Variants in SMIM35 observed in about 807,000 individuals in gnomAD.
SMIM35 encodes the protein TMPRSS4 antisense RNA 1 (non-protein coding).
intron 1 of SMIM35, among the ~76,000 whole-genome samples, chr11:118,048,962 A>AAAAAAAAAAAAAAAAAAAAAC (rs1944160684): frequency 6.6e-6 from 1 of 150,582 alleles, no homozygotes; most frequent in Non-Finnish European, 1.5e-5. Context: ...AAAAAAAAAA[A>AAAAAAAAAAAAAAAAAAAAAC]AAGCAAGTGA....
intron 1 of SMIM35, chr11:118,025,273 G>C (rs2058265688): frequency 3.2e-6 from 1 of 310,394 alleles, no homozygotes; most frequent in Admixed American, 4.9e-5. Flanking sequence ...ATTTTCTTTT[G>C]GGTATATACC....
chr11:118,039,696 C>A (rs755113320), intron 1 of SMIM35, among the ~76,000 whole-genome samples: 1 of 151,532 alleles, frequency 6.6e-6, no homozygotes, highest in South Asian at 2.1e-4. Flanking sequence ...GGTGACAGAG[C>A]GAGACCCTGT....
At chr11:118,024,585 G>A (rs1265977943) in intron 1 of SMIM35, among the ~76,000 whole-genome samples, 1 of 151,990 alleles carries the variant, frequency 6.6e-6, no homozygotes, top group Non-Finnish European at 1.5e-5. Flanking sequence ...CAATTCTTCT[G>A]TCTCAGCCTC....
chr11:118,020,078 C>T (rs917709428), intron 1 of SMIM35, among the ~76,000 whole-genome samples: 5 of 152,144 alleles, frequency 3.3e-5, no homozygotes, highest in Non-Finnish European at 5.9e-5. Context: ...CCAGCCTGGT[C>T]AACATGGTGA....
At chr11:118,050,607 T>A (rs1944196545) in intron 1 of SMIM35, among the ~76,000 whole-genome samples, 1 of 152,158 alleles carries the variant, frequency 6.6e-6, no homozygotes, top group South Asian at 2.1e-4. Flanking sequence ...ACCCCCGCAG[T>A]CCTCCTGCCT....
intron 1 of SMIM35, among the ~76,000 whole-genome samples, chr11:118,084,981 T>G (rs1945431011): frequency 6.6e-6 from 1 of 152,072 alleles, no homozygotes; most frequent in Admixed American, 6.5e-5. Context: ...AAGACCAACC[T>G]AGGGGACTAT....
intron 4 of SMIM35, among the ~76,000 whole-genome samples, chr11:118,008,743 T>G (rs1454752243): frequency 1.3e-5 from 2 of 152,216 alleles, no homozygotes; most frequent in Non-Finnish European, 2.9e-5. Flanking sequence ...TTCAACACAA[T>G]TTCCTGAGAA....
At chr11:118,012,113 A>G (rs1209229898) in intron 4 of SMIM35, among the ~76,000 whole-genome samples, 1 of 152,206 alleles carries the variant, frequency 6.6e-6, no homozygotes, top group Non-Finnish European at 1.5e-5. Context: ...TCCTCCTCCC[A>G]CTTGCTCTAT....
chr11:118,030,976 G>A (rs964670675), intron 1 of SMIM35, among the ~76,000 whole-genome samples: 4 of 151,964 alleles, frequency 2.6e-5, no homozygotes, highest in African/African-American at 7.3e-5. Context: ...GAGAGGACAT[G>A]GCAGCAGAGA....
At chr11:118,014,861 C>T in intron 2 of SMIM35, 120 bp from the exon 3 acceptor site, 1 of 396,922 alleles carries the variant, frequency 2.5e-6, no homozygotes, top group Non-Finnish European at 4.4e-6. Flanking sequence ...CTGGGCTGGA[C>T]CTCAGGATGG....
At chr11:118,066,075 G>A (rs1944470350) in intron 1 of SMIM35, among the ~76,000 whole-genome samples, 1 of 151,952 alleles carries the variant, frequency 6.6e-6, no homozygotes, top group Admixed American at 6.5e-5. Flanking sequence ...GGACCCCCCG[G>A]ACGTACGACC....
At chr11:118,036,679 G>T (rs2058361558) in intron 1 of SMIM35, among the ~76,000 whole-genome samples, 1 of 152,250 alleles carries the variant, frequency 6.6e-6, no homozygotes, top group Non-Finnish European at 1.5e-5. Context: ...AGCTGGCCAT[G>T]GGGGCAGAGG....
chr11:118,053,658 C>G (rs1191478917), intron 1 of SMIM35, among the ~76,000 whole-genome samples: 1 of 152,196 alleles, frequency 6.6e-6, no homozygotes, highest in Non-Finnish European at 1.5e-5. Flanking sequence ...CAGCATAGCT[C>G]TTTAATTCCC....
chr11:118,074,707 A>T (rs1944626776), intron 1 of SMIM35, among the ~76,000 whole-genome samples: 1 of 150,006 alleles, frequency 6.7e-6, no homozygotes, highest in Admixed American at 6.7e-5. Context: ...AGGCTGCACC[A>T]CTGCACTCCA....
chr11:118,072,294 A>G (rs1187752125), intron 1 of SMIM35, among the ~76,000 whole-genome samples: 2 of 152,198 alleles, frequency 1.3e-5, no homozygotes, highest in African/African-American at 4.8e-5. Context: ...GTTCGAGATC[A>G]GCCTGGCCAA....
intron 1 of SMIM35, among the ~76,000 whole-genome samples, chr11:118,062,412 C>T (rs1252566661): frequency 4.6e-5 from 7 of 152,198 alleles, no homozygotes; most frequent in Non-Finnish European, 7.3e-5. Context: ...TTCACAGGGG[C>T]CAAGACCACA....
At chr11:118,072,568 G>C (rs1944588517) in intron 1 of SMIM35, among the ~76,000 whole-genome samples, 1 of 152,106 alleles carries the variant, frequency 6.6e-6, no homozygotes, top group African/African-American at 2.4e-5. Flanking sequence ...AAAAATGAAG[G>C]CAGGAAGAAA....
At chr11:118,029,297 A>T (rs1380886292) in intron 1 of SMIM35, among the ~76,000 whole-genome samples, 1 of 152,190 alleles carries the variant, frequency 6.6e-6, no homozygotes, top group Non-Finnish European at 1.5e-5. Context: ...TCTCTACAAA[A>T]ATACAAAAAG....
Position 118,034,374 on chromosome 11 carries a change from T to C in SMIM35, c.8-18565A>G, listed in dbSNP as rs1418198176. On this transcript the variant is annotated intron_variant, in intron 1 of 4. Transcript: ENST00000689828. ...AGTTGTTGATTACTTTTTTAAAAAA[T>C]TGTCACTGTCTCAATTTATATTCCA... Among the ~76,000 whole-genome samples the C allele has an allele frequency of 2.0e-5, 3 of 152,054 alleles. No homozygotes were observed. In the South Asian group the frequency reaches 6.2e-4, roughly 31 times the overall value.
Sources: gnomAD v4.1 joint callset for allele counts (sites outside exome capture counted in the v4.1 genomes callset) on GRCh38, gnomAD v4.1.1 for gene constraint, MANE v1.5 for transcripts, NCBI Gene and HGNC (gene_info 2026-07-23, HGNC 2026-07-21) for gene names.